Variants in CREB5 observed in about 807,000 individuals in gnomAD.
The protein encoded by CREB5 is cAMP responsive element binding protein 5.
A neutral mutation model predicts 57.1 loss-of-function variants in CREB5; 19 were observed. That is an observed-to-expected ratio of 0.33 (90% CI 0.23 to 0.49). The LOEUF is 0.49. Among genes scored for constraint, CREB5 ranks in the 20% least tolerant of loss-of-function variants. The pLI, the probability that CREB5 is intolerant of heterozygous loss-of-function variation, is 0.99. For synonymous variants in CREB5, 238 were observed against 238.3 expected (o/e 1.00, Z 0.01); for missense variants, 579 against 671.6 (o/e 0.86, Z 1.52).
intron 7 of CREB5, among the ~76,000 whole-genome samples, chr7:28,793,686 G>A (rs964710125): frequency 6.6e-6 from 1 of 152,244 alleles, no homozygotes; most frequent in African/African-American, 2.4e-5. Context: ...GGATCTGCTA[G>A]AGAGCTGGGT....
chr7:28,724,018 A>G (rs898421631), intron 6 of CREB5, among the ~76,000 whole-genome samples: 4 of 152,184 alleles, frequency 2.6e-5, no homozygotes, highest in Non-Finnish European at 5.9e-5. Flanking sequence ...GGCACCCTGT[A>G]TAGAAGCACG....
At chr7:28,349,105 A>G (rs1463329700) in intron 1 of CREB5, among the ~76,000 whole-genome samples, 1 of 152,178 alleles carries the variant, frequency 6.6e-6, no homozygotes. Context: ...TGGGGTGGCA[A>G]TAACTATCCT....
chr7:28,528,704 CAAA>C (rs778154325), intron 4 of CREB5, among the ~76,000 whole-genome samples: 61 of 58,398 alleles, frequency 1.0e-3, no homozygotes, highest in African/African-American at 2.2e-3. Flanking sequence ...AACTCCATCT[CAAA>C]AAAAAAAAAA....
chr7:28,788,610 C>T (rs1039812361), intron 7 of CREB5, among the ~76,000 whole-genome samples: 4 of 152,210 alleles, frequency 2.6e-5, no homozygotes, highest in South Asian at 2.1e-4. Context: ...ACAAAGTAAA[C>T]GCTTAGCAAA....
intron 4 of CREB5, among the ~76,000 whole-genome samples, chr7:28,524,316 AAC>A (rs4000595): frequency 0.053 from 7,222 of 136,496 alleles, 255 homozygotes; most frequent in African/African-American, 0.1. Context: ...GCCTCTACTA[AAC>A]ACACACACAC....
chr7:28,520,232 T>C (rs1380326864), intron 4 of CREB5, among the ~76,000 whole-genome samples: 1 of 152,204 alleles, frequency 6.6e-6, no homozygotes, highest in Admixed American at 6.5e-5. Flanking sequence ...TTTTTAAACA[T>C]CAGTTTATAA....
At chr7:28,657,466 C>T (rs1410881660) in intron 5 of CREB5, among the ~76,000 whole-genome samples, 2 of 152,130 alleles carry the variant, frequency 1.3e-5, no homozygotes, top group Non-Finnish European at 1.5e-5. Flanking sequence ...CATTGTGGCT[C>T]ATGCCTGTAA....
chr7:28,344,234 T>C (rs966224590), intron 1 of CREB5, among the ~76,000 whole-genome samples: 2 of 152,206 alleles, frequency 1.3e-5, no homozygotes. Flanking sequence ...AAGACCAATG[T>C]CATAAAGCAT....
intron 7 of CREB5, among the ~76,000 whole-genome samples, chr7:28,724,976 C>T (rs865861999): frequency 6.6e-6 from 1 of 152,140 alleles, no homozygotes; most frequent in African/African-American, 2.4e-5. Context: ...CAATGCAATA[C>T]GTGTCTGTCT....
At chr7:28,731,361 CAG>C (rs1479720177) in intron 7 of CREB5, among the ~76,000 whole-genome samples, 10 of 152,180 alleles carry the variant, frequency 6.6e-5, no homozygotes, top group African/African-American at 2.4e-4. Context: ...TAAGTTCTTA[CAG>C]AGTTTGTATT....
At chr7:28,356,424 C>G (rs1360681634) in intron 1 of CREB5, among the ~76,000 whole-genome samples, 3 of 152,166 alleles carry the variant, frequency 2.0e-5, no homozygotes, top group African/African-American at 7.2e-5. Flanking sequence ...TCGTTTTAGG[C>G]AATGGTTTGG....
chr7:28,432,082 C>T (rs1293309977), intron 1 of CREB5, among the ~76,000 whole-genome samples: 1 of 151,132 alleles, frequency 6.6e-6, no homozygotes, highest in African/African-American at 2.4e-5. Context: ...GTCTGTTAAC[C>T]AAAAGCCGTG....
At chr7:28,754,882 G>A (rs918984124) in intron 7 of CREB5, among the ~76,000 whole-genome samples, 3 of 152,124 alleles carry the variant, frequency 2.0e-5, no homozygotes, top group Admixed American at 6.5e-5. Flanking sequence ...TATCTGCCTT[G>A]GAAGGTGCCA....
rs1278391833 is a variant in CREB5, at chr7:28,785,127, TAAAC to T, written c.703-19070_703-19067del. 4.6e-5 allele frequency among the ~76,000 whole-genome samples: 7 copies of T among 152,294 alleles called. No homozygotes were observed. In the East Asian group the frequency reaches 1.4e-3, roughly 29 times the overall value. On this transcript the variant is annotated intron_variant, in intron 7 of 10. Coordinates refer to ENST00000357727, the MANE Select transcript of CREB5 (RefSeq NM_182898.4). ...GTGCAGTTTCTCCAAGTTGGAAAAATAAACAGTCACCATCAGGCTAAATTCATGT... is the reference window on the plus strand; with the variant it reads ...GTGCAGTTTCTCCAAGTTGGAAAAATAGTCACCATCAGGCTAAATTCATGT...
intron 5 of CREB5, among the ~76,000 whole-genome samples, chr7:28,716,008 C>T (rs1172628198): frequency 3.3e-5 from 5 of 152,062 alleles, no homozygotes; most frequent in African/African-American, 1.2e-4. Context: ...TGAAACATAC[C>T]ATTCCCAAAC....
chr7:28,658,959 A>ATATATATATATATATATG (rs1168151433), intron 5 of CREB5, among the ~76,000 whole-genome samples: 1 of 129,564 alleles, frequency 7.7e-6, no homozygotes, highest in Admixed American at 7.7e-5. Flanking sequence ...GTGTGTATAT[A>ATATATATATATATATATG]TATATATATA....
chr7:28,770,842 T>G (rs1806282102), intron 7 of CREB5, among the ~76,000 whole-genome samples: 1 of 152,208 alleles, frequency 6.6e-6, no homozygotes. Context: ...ATAGAATGAA[T>G]AAATTCAGAT....
chr7:28,754,498 A>C (rs1260170263), intron 7 of CREB5, among the ~76,000 whole-genome samples: 1 of 152,212 alleles, frequency 6.6e-6, no homozygotes, highest in Admixed American at 6.5e-5. Flanking sequence ...CACAAGATCC[A>C]TGAGGGATCG....
At chr7:28,768,268 G>A (rs138871250) in intron 7 of CREB5, among the ~76,000 whole-genome samples, 4 of 152,276 alleles carry the variant, frequency 2.6e-5, no homozygotes, top group African/African-American at 9.6e-5. Flanking sequence ...AAGAGGGTTT[G>A]CAGATGGATA....
Sources: allele counts gnomAD v4.1 joint callset (sites outside exome capture counted in the v4.1 genomes callset), GRCh38; gene constraint gnomAD v4.1.1; transcripts MANE v1.5; gene names NCBI Gene and HGNC (gene_info 2026-07-23, HGNC 2026-07-21).